The following AHCY variants were observed in gnomAD, a reference collection of about 807,000 sequenced individuals.
The protein encoded by AHCY is S-adenosyl-L-homocysteine hydrolase.
In AHCY, 24 loss-of-function variants were observed where a neutral mutation model predicts 45.4. The ratio of observed to expected loss-of-function variants is 0.53; its 90% confidence interval spans 0.38 to 0.74. AHCY has a LOEUF of 0.74. Ranked by LOEUF, AHCY falls within the 30% of genes least tolerant of loss-of-function variation. The probability of loss-of-function intolerance (pLI) is 0.00; values close to 1 mark genes in which losing one functional copy is unlikely to be tolerated. For synonymous variants in AHCY, 245 were observed against 235.1 expected (o/e 1.04, Z -0.39); for missense variants, 449 against 594.1 (o/e 0.76, Z 2.54).
chr20:34,281,543 G>A (rs2036001439), intron 9 of AHCY: 1 of 347,074 alleles, frequency 2.9e-6, no homozygotes, highest in South Asian at 2.4e-5. Flanking sequence ...ACAGGGAAGG[G>A]TATCTATCAA....
chr20:34,308,264 G>T (rs2036915256), upstream of AHCY, among the ~76,000 whole-genome samples: 1 of 152,164 alleles, frequency 6.6e-6, no homozygotes, highest in African/African-American at 2.4e-5. Flanking sequence ...AATTTTAAAA[G>T]ATTTGGCCAG....
the AHCY span, among the ~76,000 whole-genome samples, chr20:34,240,008 G>A: frequency 6.6e-6 from 1 of 152,202 alleles, no homozygotes; most frequent in African/African-American, 2.4e-5. Context: ...AGCAAGGATT[G>A]CAGTTTGAGG....
chr20:34,271,025 G>A, the AHCY span, among the ~76,000 whole-genome samples: 7 of 152,088 alleles, frequency 4.6e-5, no homozygotes, highest in African/African-American at 7.2e-5. Context: ...TCAGGTGGGA[G>A]TGCAGTGGTG....
chr20:34,290,617 T>C lies in AHCY; in HGVS notation c.788A>G (p.Asp263Gly), dbSNP rs1386184337. Reference protein sequence around the residue: ...AMEGYEVTTMDEACQEGNIFV... With the variant: ...AMEGYEVTTMGEACQEGNIFV... The stretch of plus-strand genomic sequence containing the variant: ...GATGTTGCCCTCCTGACAGGCCTCA[T>C]CCATGGTGGTCACCTCATAGCCTGT... Residue 263 changes from aspartate (D) to glycine (G), a missense_variant, in exon 7 of 10, where the codon GAT (aspartate) becomes GGT (glycine). Transcript: ENST00000217426. The surrounding 1 kb of genome is among the most constrained non-coding windows in gnomAD (Gnocchi z 4.5). 1.2e-5 allele frequency: 20 copies of C among 1,614,158 alleles called. No individual in the cohort carries two copies. Among genetic ancestry groups the C allele is most frequent in the Non-Finnish European group, 1.7e-5 (20 of 1,180,028 alleles).
chr20:34,302,498 G>C, intron 1 of AHCY: 1 of 671,220 alleles, frequency 1.5e-6, no homozygotes, highest in Non-Finnish European at 1.8e-6. Flanking sequence ...TCTGCCTCAG[G>C]ATTCTCATCA....
chr20:34,272,858 T>C, the AHCY span, among the ~76,000 whole-genome samples: 1 of 152,146 alleles, frequency 6.6e-6, no homozygotes, highest in Admixed American at 6.6e-5. Flanking sequence ...CATTCCAGGC[T>C]GTGTCTCAAA....
At chr20:34,253,447 T>TTTTA in the AHCY span, among the ~76,000 whole-genome samples, 3,863 of 103,756 alleles carry the variant, frequency 0.037, 104 homozygotes, top group East Asian at 0.15. Flanking sequence ...TTTTATTTTA[T>TTTTA]TTTATTTATT....
the AHCY span, among the ~76,000 whole-genome samples, chr20:34,261,455 G>A: frequency 1.3e-5 from 2 of 152,102 alleles, no homozygotes; most frequent in African/African-American, 4.8e-5. Flanking sequence ...TCAACAGGGT[G>A]AAACCCCGTC....
the AHCY span, among the ~76,000 whole-genome samples, chr20:34,255,145 T>C: frequency 3.2e-4 from 49 of 152,190 alleles, no homozygotes; most frequent in Non-Finnish European, 5.1e-4. Context: ...GAGCAAGTGA[T>C]CACTGTGGAC....
the AHCY span, among the ~76,000 whole-genome samples, chr20:34,268,766 A>AC: frequency 2.0e-5 from 3 of 151,068 alleles, no homozygotes; most frequent in South Asian, 6.3e-4. Flanking sequence ...AACAAAAAAA[A>AC]CACAAACTAG....
At position 34,285,422 on chromosome 20, in the gene AHCY, G is replaced by T. The variant is rs2036140723; in HGVS notation, c.1167+18C>A. On this transcript the variant is annotated intron_variant, in intron 9 of 9. Transcript: ENST00000217426. The stretch of plus-strand genomic sequence containing the variant: ...TTAGACACGTGACCCTTGGCTTGAG[G>T]TAGAAGAATAAACCCACCTTCTTGG... The T allele has an allele frequency of 1.2e-6, 2 of 1,613,440 alleles. No homozygotes were observed. Among genetic ancestry groups the T allele is most frequent in the African/African-American group, 1.3e-5 (1 of 74,918 alleles).
chr20:34,276,634 C>A (rs1266515219), downstream of AHCY, among the ~76,000 whole-genome samples: 1 of 152,120 alleles, frequency 6.6e-6, no homozygotes, highest in African/African-American at 2.4e-5. Context: ...GGTTGTAACT[C>A]CTCCCACCAG....
chr20:34,265,568 CT>C, the AHCY span, among the ~76,000 whole-genome samples: 1 of 152,036 alleles, frequency 6.6e-6, no homozygotes, highest in African/African-American at 2.4e-5. Context: ...GTTTGTGCCC[CT>C]AACCCCTGCA....
At chr20:34,235,840 A>AGAAAGAAAGAAAGAAG in the AHCY span, among the ~76,000 whole-genome samples, 3 of 53,784 alleles carry the variant, frequency 5.6e-5, no homozygotes, top group Non-Finnish European at 8.9e-5. Context: ...AAAGAAAGAA[A>AGAAAGAAAGAAAGAAG]GAAGGAAGGA....
downstream of AHCY, among the ~76,000 whole-genome samples, chr20:34,277,075 C>T (rs1018700749): frequency 1.3e-5 from 2 of 152,140 alleles, no homozygotes; most frequent in Admixed American, 1.3e-4. Context: ...TCAACAGTCC[C>T]TGTGGATCCT....
At chr20:34,303,857 G>A (rs532582245), upstream of AHCY, among the ~76,000 whole-genome samples, 9 of 152,292 alleles carry the variant, frequency 5.9e-5, no homozygotes, top group South Asian at 1.9e-3. Context: ...TTAGCCGGGC[G>A]TGGTGGCGCG....
At chr20:34,253,520 C>A in the AHCY span, among the ~76,000 whole-genome samples, 4 of 150,724 alleles carry the variant, frequency 2.7e-5, no homozygotes, top group East Asian at 7.8e-4. Context: ...TTGCCCAGGC[C>A]GGAGTGCAAT....
the AHCY span, among the ~76,000 whole-genome samples, chr20:34,275,131 CTTTTTTT>C: frequency 3.0e-5 from 3 of 99,452 alleles, no homozygotes; most frequent in South Asian, 3.6e-4. Flanking sequence ...TCTCTATTTT[CTTTTTTT>C]TTTTTTTTTT....
In AHCY at chr20:34,295,389, C is replaced by T; in HGVS notation, c.219+6G>A. 1 of 1,614,002 alleles carries T rather than the reference C, an allele frequency of 6.2e-7. No homozygotes were observed. Among genetic ancestry groups the T allele is most frequent in the Non-Finnish European group, 8.5e-7 (1 of 1,179,952 alleles). ...GACTCTGGGGTGATACAGCTGTGGG[C>T]CTCACCTCAGCACCCAGGGTGACGA... On this transcript the variant is annotated splice_donor_region_variant and intron_variant, in intron 2 of 9. Coordinates refer to ENST00000217426, the MANE Select transcript of AHCY (RefSeq NM_000687.4).
Sources: allele counts gnomAD v4.1 joint callset (sites outside exome capture counted in the v4.1 genomes callset), GRCh38; gene constraint gnomAD v4.1.1; non-coding constraint Gnocchi (gnomAD v3.1); transcripts MANE v1.5; gene names NCBI Gene and HGNC (gene_info 2026-07-23, HGNC 2026-07-21).